WDHD1: variants seen among roughly 807,000 people sequenced by gnomAD.
WDHD1 encodes the protein WD repeat and HMG-box DNA-binding protein 1.
In WDHD1, 111 loss-of-function variants were observed where a neutral mutation model predicts 135.4. That is an observed-to-expected ratio of 0.82 (90% confidence interval 0.70 to 0.96). The LOEUF is 0.96. Ranked by LOEUF, WDHD1 falls within the 40% of genes least tolerant of loss-of-function variation. The pLI, the probability that WDHD1 is intolerant of heterozygous loss-of-function variation, is 0.00. For missense variants in WDHD1, 1,351 were observed against 1,336.3 expected (o/e 1.01, Z -0.17); for synonymous variants, 434 against 439.0 (o/e 0.99, Z 0.14).
At position 55,013,194 on chromosome 14, in the gene WDHD1, C is replaced by CAAAAAAAAAAAAAAAAAAA. The variant is rs71448422; in HGVS notation, c.189+272_189+290dup. ...TGAGCAACATGGCAAGATCCCGTTT[C>CAAAAAAAAAAAAAAAAAAA]AAAAAAAAAAAAAAAAAAAAAAAAT... is the stretch of plus-strand genomic sequence containing the variant. On this transcript the variant is annotated intron_variant, in intron 3 of 25. Transcript: ENST00000360586. Among the ~76,000 whole-genome samples the CAAAAAAAAAAAAAAAAAAA allele has an allele frequency of 1.9e-3, 158 of 82,304 alleles. 14 individuals are homozygous for CAAAAAAAAAAAAAAAAAAA. Among genetic ancestry groups the CAAAAAAAAAAAAAAAAAAA allele is most frequent in the African/African-American group, 6.0e-3 (115 of 19,310 alleles). 54.0% of individuals were successfully genotyped at this position (82,304 alleles called of 152,430 possible).
intron 24 of WDHD1, among the ~76,000 whole-genome samples, chr14:54,953,162 A>G (rs1362041032): frequency 1.3e-5 from 2 of 152,234 alleles, no homozygotes; most frequent in Admixed American, 1.3e-4. Flanking sequence ...GCACAGCAAA[A>G]GAAACTACCA....
chr14:54,966,134 C>T (rs993508667), intron 18 of WDHD1, among the ~76,000 whole-genome samples: 1 of 127,754 alleles, frequency 7.8e-6, no homozygotes, highest in African/African-American at 2.9e-5. Context: ...CGAGACCAGT[C>T]GGGCCAACAT....
At chr14:54,961,846 T>G (rs1237562192) in intron 21 of WDHD1, among the ~76,000 whole-genome samples, 3 of 151,866 alleles carry the variant, frequency 2.0e-5, no homozygotes, top group Non-Finnish European at 4.4e-5. Context: ...ACTCCTTTTT[T>G]TTTTTTTTGA....
rs781336031 is a variant in WDHD1 at position 54,989,162 on chromosome 14, A to G, written c.1392T>C (p.Asn464=). 1 of 1,613,616 alleles carries G rather than the reference A, an allele frequency of 6.2e-7. No homozygotes were observed. The highest frequency in any genetic ancestry group is 1.6e-4 in the Middle Eastern group (1 of 6,068). ...IIRCYNDEQD[N]AIDVEFHDTS... The stretch of plus-strand genomic sequence containing the variant: ...TATCATGGAACTCCACATCTATGGC[A>G]TTGTCTTGCTCATCATTATAGCAGC... The change falls in exon 13 of 26, where the codon AAT becomes AAC. Residue 464 remains asparagine (N), a synonymous_variant. Coordinates refer to ENST00000360586, the MANE Select transcript of WDHD1 (RefSeq NM_007086.4).
At chr14:54,982,044 G>A (rs1163738358) in intron 15 of WDHD1, among the ~76,000 whole-genome samples, 1 of 150,760 alleles carries the variant, frequency 6.6e-6, no homozygotes, top group Non-Finnish European at 1.5e-5. Context: ...GTCTTGCTGT[G>A]TACCCAGGCT....
At chr14:55,022,574 C>T (rs931182941) in intron 2 of WDHD1, among the ~76,000 whole-genome samples, 1 of 151,846 alleles carries the variant, frequency 6.6e-6, no homozygotes, top group African/African-American at 2.4e-5. Context: ...CCCAGCTACT[C>T]GGGAGGCTGA....
intron 22 of WDHD1, 106 bp from the exon 23 acceptor site, chr14:54,957,310 A>C: frequency 3.0e-5 from 37 of 1,228,390 alleles, no homozygotes; most frequent in Middle Eastern, 2.3e-4. Flanking sequence ...TTGCCATCTC[A>C]TCTTTAGAAC....
At chr14:54,984,060 G>A (rs1296922921) in intron 15 of WDHD1, among the ~76,000 whole-genome samples, 3 of 152,150 alleles carry the variant, frequency 2.0e-5, no homozygotes, top group African/African-American at 7.2e-5. Flanking sequence ...AAACAGTGAA[G>A]CTCTAGAAAA....
intron 13 of WDHD1, among the ~76,000 whole-genome samples, chr14:54,988,027 T>C (rs543052741): frequency 2.6e-5 from 4 of 152,298 alleles, no homozygotes; most frequent in African/African-American, 9.6e-5. Flanking sequence ...GGCAATCTCT[T>C]GATTAACAAA....
intron 24 of WDHD1, among the ~76,000 whole-genome samples, chr14:54,946,183 C>T (rs1031089598): frequency 3.3e-5 from 5 of 152,184 alleles, no homozygotes. Flanking sequence ...TTCTAAACAG[C>T]TATTTTTAAA....
Position 54,989,042 on chromosome 14 carries a change from A to C in WDHD1, c.1512T>G (p.Thr504=), listed in dbSNP as rs769429849. The part of the protein sequence containing the change: ...HEAILLACES[T]DELASKLHCL... ...CTTGAGTTTACCTTGCTAGTTCATCAGTGCTTTCACATGCCAACAAAATAG... is the reference window on the plus strand; with the variant it reads ...CTTGAGTTTACCTTGCTAGTTCATCCGTGCTTTCACATGCCAACAAAATAG... The change falls in exon 13 of 26, where the codon ACT becomes ACG. Residue 504 remains threonine (T), a synonymous_variant. Transcript: ENST00000360586. The C allele has an allele frequency of 6.2e-7, 1 of 1,610,644 alleles. No homozygotes were observed. Among genetic ancestry groups the C allele is most frequent in the Non-Finnish European group, 8.5e-7 (1 of 1,177,944 alleles).
At chr14:54,962,645 G>T in intron 20 of WDHD1, 93 bp downstream of exon 20, 1 of 1,533,730 alleles carries the variant, frequency 6.5e-7, no homozygotes. Context: ...CTGAAAAAAA[G>T]TATGAGTATT....
chr14:54,983,146 A>C (rs1304024540), intron 15 of WDHD1, among the ~76,000 whole-genome samples: 3 of 152,170 alleles, frequency 2.0e-5, no homozygotes, highest in Non-Finnish European at 4.4e-5. Flanking sequence ...CCTGGGTGAC[A>C]GAGTGAGACT....
At chr14:55,004,655 G>C (rs930131168) in intron 7 of WDHD1, among the ~76,000 whole-genome samples, 1 of 152,200 alleles carries the variant, frequency 6.6e-6, no homozygotes, top group African/African-American at 2.4e-5. Context: ...GTTTCGCCAT[G>C]TTTCCCAGGC....
In WDHD1 at chr14:54,966,545, T is replaced by C. The variant is rs1229160752; in HGVS notation, c.2240A>G (p.Tyr747Cys). Residue 747 changes from tyrosine (Y) to cysteine (C), a missense_variant, in exon 18 of 26, where the codon TAT becomes TGT. By Grantham distance (194) the Tyr-to-Cys change is radical. This residue lies in a region of WDHD1 where 1,330 missense variants were observed against 1,296.1 expected (regional missense o/e 1.03). Coordinates refer to ENST00000360586, the MANE Select transcript of WDHD1 (RefSeq NM_007086.4). ...NHLDYLAKNG[Y>C]EYEESTKNQA... is the part of the protein sequence containing the mutation. ...ATTTTTAGTGCTCTCTTCATATTCA[T>C]AACCATTTTTAGCTAAATAATCAAG... The C allele has an allele frequency of 7.5e-6, 12 of 1,609,046 alleles. No individual in the cohort carries two copies. The highest frequency in any genetic ancestry group is 2.2e-5 in the South Asian group (2 of 89,780).
At chr14:54,961,430 T>C (rs1460768377) in intron 21 of WDHD1, among the ~76,000 whole-genome samples, 1 of 152,162 alleles carries the variant, frequency 6.6e-6, no homozygotes, top group East Asian at 1.9e-4. Context: ...AGCACCACTT[T>C]CTCTTTGCTC....
chr14:54,987,300 T>C lies in WDHD1; in HGVS notation c.1614A>G (p.Ile538Met). The change falls in exon 14 of 26, where the codon ATA becomes ATG. Residue 538 changes from isoleucine to methionine, a missense_variant. Ile to Met is a conservative substitution (Grantham distance 10, BLOSUM62 1). This residue lies in a region of WDHD1 where 1,330 missense variants were observed against 1,296.1 expected (regional missense o/e 1.03). Transcript: ENST00000360586. Reference sequence around the variant, plus strand: ...CAGCAGCCCATCCTTGACCGAGACATATGGCTTCAATATCCTCATTCTGAG... The same window carrying C: ...CAGCAGCCCATCCTTGACCGAGACACATGGCTTCAATATCCTCATTCTGAG... The part of the protein sequence containing the change: ...DLPQNEDIEA[I>M]CLGQGWAAAA... The C allele has an allele frequency of 6.2e-6, 10 of 1,614,116 alleles. No homozygotes were observed. Among genetic ancestry groups the C allele is most frequent in the Non-Finnish European group, 7.6e-6 (9 of 1,180,014 alleles).
At chr14:55,013,423 T>G in intron 3 of WDHD1, 62 bp downstream of exon 3, 1 of 1,147,214 alleles carries the variant, frequency 8.7e-7, no homozygotes, top group Non-Finnish European at 1.3e-6. Context: ...ATTTTTTCAC[T>G]CAAGCATAAA....
At chr14:54,957,708 A>G in intron 21 of WDHD1, 73 bp from the exon 22 acceptor site, 1 of 1,208,306 alleles carries the variant, frequency 8.3e-7, no homozygotes, top group Non-Finnish European at 1.2e-6. Flanking sequence ...AATACTAGAC[A>G]GAGTATTTTA....
Sources: gnomAD v4.1 joint callset for allele counts (sites outside exome capture counted in the v4.1 genomes callset) on GRCh38, gnomAD v4.1.1 for gene constraint, gnomAD v4.1.1 regional missense constraint, MANE v1.5 for transcripts, NCBI Gene and HGNC (gene_info 2026-07-23, HGNC 2026-07-21) for gene names.